ANKRD30A: variants seen among roughly 807,000 people sequenced by gnomAD.
ANKRD30A encodes the protein ankyrin repeat domain 30A, also known as ankyrin repeat domain-containing protein 30A.
In ANKRD30A, 170 loss-of-function variants were observed where a neutral mutation model predicts 166.3. The observed-to-expected ratio is 1.02, with a 90% CI of 0.90 to 1.16. ANKRD30A has a LOEUF of 1.16. Among genes scored for constraint, ANKRD30A ranks in the 50% most tolerant of loss-of-function variants. The probability of loss-of-function intolerance (pLI) is 0.00; values close to 1 mark genes in which losing one functional copy is unlikely to be tolerated. For missense variants in ANKRD30A, 1,630 were observed against 1,518.0 expected (o/e 1.07, Z -1.23); for synonymous variants, 564 against 508.9 (o/e 1.11, Z -1.46).
At chr10:37,232,654 TTATATATATATATATATA>T (rs10559316), downstream of ANKRD30A, 44 of 54,202 alleles carry the variant, frequency 8.1e-4, 3 homozygotes, top group South Asian at 3.5e-3. Context: ...AGCATTGGTT[TTATATATATATATATATA>T]TATATATATA....
At chr10:37,198,401 G>A (rs937826144) in intron 29 of ANKRD30A, among the ~76,000 whole-genome samples, 1 of 151,974 alleles carries the variant, frequency 6.6e-6, no homozygotes, top group Non-Finnish European at 1.5e-5. Context: ...CAGTACCATA[G>A]TTAACTGCAC....
At chr10:37,152,998 C>T (rs1199418101) in intron 12 of ANKRD30A, among the ~76,000 whole-genome samples, 1 of 152,048 alleles carries the variant, frequency 6.6e-6, no homozygotes, top group Non-Finnish European at 1.5e-5. Flanking sequence ...AGCACTTTTT[C>T]TATCACCATA....
intron 17 of ANKRD30A, among the ~76,000 whole-genome samples, chr10:37,164,436 AG>A (rs1479031558): frequency 2.0e-5 from 3 of 151,794 alleles, no homozygotes; most frequent in African/African-American, 7.3e-5. Context: ...AGGTGTCACA[AG>A]CTGACTCTGA....
At chr10:37,212,000 T>C (rs529068839) in intron 31 of ANKRD30A, among the ~76,000 whole-genome samples, 2 of 151,944 alleles carry the variant, frequency 1.3e-5, no homozygotes, top group South Asian at 2.1e-4. Flanking sequence ...TTCAACATAG[T>C]GTTGGAAGTT....
the ANKRD30A span, among the ~76,000 whole-genome samples, chr10:37,251,246 T>A: frequency 1.6e-4 from 25 of 152,324 alleles, no homozygotes; most frequent in South Asian, 5.0e-3. Context: ...AGAACTAGGA[T>A]ATGACAACTG....
intron 25 of ANKRD30A, among the ~76,000 whole-genome samples, chr10:37,191,073 A>T (rs549577525): frequency 6.6e-6 from 1 of 152,042 alleles, no homozygotes; most frequent in Non-Finnish European, 1.5e-5. Context: ...TACTGATTTT[A>T]ACATAGAAAA....
At chr10:37,140,522 C>T (rs553938319) in intron 6 of ANKRD30A, among the ~76,000 whole-genome samples, 43 of 152,288 alleles carry the variant, frequency 2.8e-4, no homozygotes, top group Middle Eastern at 3.4e-3. Context: ...CAAGGTCTCA[C>T]TATTATCAAC....
chr10:37,241,356 A>C, the ANKRD30A span: 34 of 151,076 alleles, frequency 2.3e-4, no homozygotes, highest in Middle Eastern at 0.01. Flanking sequence ...GCTTTTAATG[A>C]TTTTTTAATT....
intron 12 of ANKRD30A, 91 bp from the exon 13 acceptor site, chr10:37,153,481 T>G: frequency 6.4e-7 from 1 of 1,569,242 alleles, no homozygotes; most frequent in Non-Finnish European, 8.6e-7. Flanking sequence ...GGAAATTGTG[T>G]TTTTAAAAAA....
In ANKRD30A at chr10:37,149,802, T is replaced by C. The variant is rs552047613; in HGVS notation, c.1598T>C (p.Val533Ala). 1.2e-6 allele frequency: 2 copies of C among 1,612,984 alleles called. No individual in the cohort carries two copies. Among genetic ancestry groups the C allele is most frequent in the African/African-American group, 2.7e-5 (2 of 75,000 alleles). Residue 533 changes from valine (V) to alanine (A), a missense_variant, in exon 11 of 36, where the codon GTT becomes GCT. Val to Ala is a moderately conservative substitution (Grantham distance 64). Around this residue, in one of 4 missense-constraint regions of ANKRD30A, gnomAD observed 904 missense variants for 818.5 expected, o/e 1.10. Transcript: ENST00000361713. ...FKPAIEMQNSVPNKAFELKNE... is the reference protein window; with the variant it reads ...FKPAIEMQNSAPNKAFELKNE... ...CCTGCCATTGAAATGCAAAACTCTG[T>C]TCCAAATAAAGCCTTTGAATTGAAG...
chr10:37,148,537 G>A (rs150146361), intron 9 of ANKRD30A, among the ~76,000 whole-genome samples: 176 of 151,978 alleles, frequency 1.2e-3, no homozygotes, highest in African/African-American at 4.1e-3. Flanking sequence ...AGAGAAGGTA[G>A]GTAGGTAATT....
intron 35 of ANKRD30A, among the ~76,000 whole-genome samples, chr10:37,232,237 G>GT (rs113897887): frequency 8.6e-4 from 126 of 146,982 alleles, no homozygotes; most frequent in East Asian, 4.6e-3. Flanking sequence ...TAAAAGTCTT[G>GT]TTTTTTTTTT....
Position 37,225,907 on chromosome 10 carries a change from A to G in ANKRD30A, c.4186-5554A>G, listed in dbSNP as rs186806558. Reference sequence around the variant, plus strand: ...TCGTCACCACAATCTATTCTAGAATATTTTTATCAGTCTAAAAAAAAATTC... The same window carrying G: ...TCGTCACCACAATCTATTCTAGAATGTTTTTATCAGTCTAAAAAAAAATTC... On this transcript the variant is annotated intron_variant, in intron 34 of 35. Coordinates refer to ENST00000361713, the MANE Select transcript of ANKRD30A (RefSeq NM_052997.3). 3.6e-4 allele frequency among the ~76,000 whole-genome samples: 55 copies of G among 151,664 alleles called. No homozygotes were observed. In the East Asian group the frequency reaches 9.2e-3, roughly 25 times the overall value.
intron 19 of ANKRD30A, among the ~76,000 whole-genome samples, chr10:37,167,101 C>A (rs942047314): frequency 4.0e-5 from 6 of 151,658 alleles, no homozygotes; most frequent in African/African-American, 1.5e-4. Flanking sequence ...AGAGAGAAGC[C>A]AGCTAGATGA....
chr10:37,162,526 A>G (rs2132596959), intron 15 of ANKRD30A, 123 bp from the exon 16 acceptor site: 1 of 1,301,682 alleles, frequency 7.7e-7, no homozygotes, highest in East Asian at 2.3e-5. Flanking sequence ...AAACTTTCCA[A>G]ATCTAAAGTA....
At chr10:37,205,133 T>A (rs1841905106) in intron 31 of ANKRD30A, among the ~76,000 whole-genome samples, 1 of 152,110 alleles carries the variant, frequency 6.6e-6, no homozygotes, top group Admixed American at 6.6e-5. Flanking sequence ...CGTGCTACTG[T>A]AAAGACACAT....
intron 29 of ANKRD30A, among the ~76,000 whole-genome samples, chr10:37,197,906 T>G (rs1004090515): frequency 6.6e-6 from 1 of 152,050 alleles, no homozygotes; most frequent in Non-Finnish European, 1.5e-5. Context: ...GTTGTCACTT[T>G]GAGAATCCTA....
chr10:37,254,488 T>G, the ANKRD30A span, among the ~76,000 whole-genome samples: 2 of 152,196 alleles, frequency 1.3e-5, no homozygotes, highest in Non-Finnish European at 1.5e-5. Context: ...CTTTTCTTCA[T>G]GCACTTATTC....
chr10:37,226,347 G>A (rs1219165428), intron 34 of ANKRD30A, among the ~76,000 whole-genome samples: 1 of 146,238 alleles, frequency 6.8e-6, no homozygotes, highest in Non-Finnish European at 1.5e-5. Context: ...CTATGAGTGA[G>A]AACATGCGGC....
Sources: gnomAD v4.1 joint callset for allele counts (sites outside exome capture counted in the v4.1 genomes callset) on GRCh38, gnomAD v4.1.1 for gene constraint, gnomAD v4.1.1 regional missense constraint, MANE v1.5 for transcripts, NCBI Gene and HGNC (gene_info 2026-07-23, HGNC 2026-07-21) for gene names.